MGST2: variants seen among roughly 807,000 people sequenced by gnomAD.
The protein encoded by MGST2 is microsomal glutathione S-transferase 2.
MGST2 carries 9 observed loss-of-function variants against 16.6 expected under a neutral mutation model. That is an observed-to-expected ratio of 0.54 (90% confidence interval 0.33 to 0.95). The LOEUF is 0.95. Ranked by LOEUF, MGST2 falls within the 40% of genes least tolerant of loss-of-function variation. The pLI is 0.03. For synonymous variants in MGST2, 79 were observed against 68.0 expected (o/e 1.16, Z -0.79); for missense variants, 159 against 175.1 (o/e 0.91, Z 0.52).
At position 139,735,910 on chromosome 4, in the gene MGST2, C is replaced by T. The variant is rs1728923571; in HGVS notation, c.*49-4302C>T. ...AGGGGCCCTGGAGGTCCTCGGCCCG[C>T]GCGCGCCGCTCGGGAGCCCGCGAGG... On this transcript the variant is annotated intron_variant, in intron 5 of 5. Coordinates refer to the MGST2 transcript ENST00000616265. This position sits in a 1 kb window ranked among gnomAD's most constrained non-coding sequence, Gnocchi z 5.8. Among the ~76,000 whole-genome samples, 2 of 151,900 alleles carry T rather than the reference C, an allele frequency of 1.3e-5. No homozygotes were observed. The highest frequency in any genetic ancestry group is 2.9e-5 in the Non-Finnish European group (2 of 67,950).
At chr4:139,736,680 T>C (rs1333255158) in intron 5 of MGST2, among the ~76,000 whole-genome samples, 1 of 152,162 alleles carries the variant, frequency 6.6e-6, no homozygotes, top group Non-Finnish European at 1.5e-5. Flanking sequence ...GGTTCCAGGA[T>C]CAAATGCATT....
chr4:139,691,393 C>T (rs1408091105), intron 2 of MGST2, among the ~76,000 whole-genome samples: 2 of 152,142 alleles, frequency 1.3e-5, no homozygotes, highest in African/African-American at 4.8e-5. Context: ...ACAGGATTGT[C>T]AAGAAGTAAT....
At position 139,715,795 on chromosome 4, in the gene MGST2, T is replaced by A. The variant is rs1409966593; in HGVS notation, c.*48+11599T>A. Among the ~76,000 whole-genome samples the A allele has an allele frequency of 6.6e-6, 1 of 152,234 alleles. No individual in the cohort carries two copies. Among genetic ancestry groups the A allele is most frequent in the East Asian group, 1.9e-4 (1 of 5,196 alleles). ...TATTTTGGTTTTGGTGGGCTTTGGC[T>A]GGCTCCTTTACTGCAAACTGTTTTA... On this transcript the variant is annotated intron_variant, in intron 5 of 5. Transcript: ENST00000616265. This position sits in a 1 kb window ranked among gnomAD's most constrained non-coding sequence, Gnocchi z 4.4.
At chr4:139,744,095 AC>A (rs1729243022), downstream of MGST2, among the ~76,000 whole-genome samples, 1 of 152,118 alleles carries the variant, frequency 6.6e-6, no homozygotes, top group South Asian at 2.1e-4. Context: ...ATGCACAAAC[AC>A]CTTGGGTAGG....
intron 5 of MGST2, among the ~76,000 whole-genome samples, chr4:139,734,023 T>A (rs916412320): frequency 1.1e-4 from 17 of 152,214 alleles, no homozygotes; most frequent in African/African-American, 3.9e-4. Flanking sequence ...CTGCCTTCCA[T>A]ACGAAACATC....
intron 2 of MGST2, among the ~76,000 whole-genome samples, chr4:139,684,028 C>A (rs1238873070): frequency 6.7e-6 from 1 of 149,344 alleles, no homozygotes; most frequent in Non-Finnish European, 1.5e-5. Context: ...CAGGTTCAAG[C>A]AATTCTTGTG....
At chr4:139,699,662 C>T (rs1727128136) in intron 3 of MGST2, among the ~76,000 whole-genome samples, 1 of 152,154 alleles carries the variant, frequency 6.6e-6, no homozygotes, top group African/African-American at 2.4e-5. Flanking sequence ...TGGACCTGTG[C>T]AGTTCAAACC....
chr4:139,696,898 C>A (rs2110884531), intron 3 of MGST2, among the ~76,000 whole-genome samples: 1 of 152,156 alleles, frequency 6.6e-6, no homozygotes, highest in Non-Finnish European at 1.5e-5. Flanking sequence ...GTCCTGATAA[C>A]CCCCTGATTT....
chr4:139,693,404 CAAA>C (rs55723907), intron 2 of MGST2, among the ~76,000 whole-genome samples: 1 of 66,798 alleles, frequency 1.5e-5, no homozygotes. Flanking sequence ...GACTACGTCT[CAAA>C]AAAAAAAAAA....
downstream of MGST2, among the ~76,000 whole-genome samples, chr4:139,704,871 A>G (rs747578823): frequency 4.6e-5 from 7 of 152,116 alleles, 1 homozygote; most frequent in Admixed American, 1.3e-4. Context: ...GCAGTGAGCC[A>G]AGATCGCGCC....
intron 1 of MGST2, among the ~76,000 whole-genome samples, chr4:139,671,462 C>T (rs1730687357): frequency 6.6e-6 from 1 of 152,136 alleles, no homozygotes; most frequent in African/African-American, 2.4e-5. Flanking sequence ...ATCATATATT[C>T]ATCATATATA....
intron 1 of MGST2, among the ~76,000 whole-genome samples, 197 bp downstream of exon 1, chr4:139,666,274 G>A (rs1177579054): frequency 6.6e-6 from 1 of 151,896 alleles, no homozygotes; most frequent in Admixed American, 6.6e-5. Context: ...TCCTTCCCAG[G>A]GGCAAGCAGA....
Position 139,665,819 on chromosome 4 carries a change from A to C in MGST2, c.-201A>C. 3.1e-6 allele frequency: 2 copies of C among 652,838 alleles called. No individual in the cohort carries two copies. The highest frequency in any genetic ancestry group is 5.6e-6 in the Non-Finnish European group (2 of 359,916). 40.4% of individuals were successfully genotyped at this position (652,838 alleles called of 1,614,324 possible). A position where few individuals can be genotyped will look rare whatever the true frequency, so the allele number is the denominator to read the frequency against. Reference sequence around the variant, plus strand: ...AACGCCGGAAGCAACTCCCAGCCCCATAAAGATCTGTGACCGGCAGCCCCA... The same window carrying C: ...AACGCCGGAAGCAACTCCCAGCCCCCTAAAGATCTGTGACCGGCAGCCCCA... On this transcript the variant is annotated 5_prime_UTR_variant, in exon 1 of 5. Transcript: ENST00000265498.
chr4:139,695,274 T>G lies in MGST2; in HGVS notation c.229+7T>G. Reference sequence around the variant, plus strand: ...GGGTGGTATTTCAACCAAGGTAATGTTAAAATACAGTCAACTGTGTTCTAA... The same window carrying G: ...GGGTGGTATTTCAACCAAGGTAATGGTAAAATACAGTCAACTGTGTTCTAA... On this transcript the variant is annotated splice_region_variant and intron_variant, in intron 3 of 4. Coordinates refer to ENST00000265498, the MANE Select transcript of MGST2 (RefSeq NM_002413.5). 2 of 1,599,812 alleles carry G rather than the reference T, an allele frequency of 1.3e-6. No individual in the cohort carries two copies. Among genetic ancestry groups the G allele is most frequent in the Non-Finnish European group, 1.7e-6 (2 of 1,166,940 alleles).
intron 3 of MGST2, among the ~76,000 whole-genome samples, chr4:139,701,841 C>A (rs1727266032): frequency 6.6e-6 from 1 of 151,974 alleles, no homozygotes; most frequent in African/African-American, 2.4e-5. Flanking sequence ...GTGGCATACA[C>A]CAGTGGTCCC....
At chr4:139,669,234 T>G (rs1730534632) in intron 1 of MGST2, among the ~76,000 whole-genome samples, 1 of 152,084 alleles carries the variant, frequency 6.6e-6, no homozygotes, top group Non-Finnish European at 1.5e-5. Flanking sequence ...AGAATTTTAT[T>G]TTTGGTTTAC....
chr4:139,730,418 G>C, intron 5 of MGST2: 9 of 1,527,674 alleles, frequency 5.9e-6, no homozygotes, highest in Non-Finnish European at 7.0e-6. Flanking sequence ...CATGTTACCT[G>C]TTCCGCCAAA....
exon 6 of MGST2, chr4:139,740,243 C>G (rs560154223): frequency 2.2e-4 from 34 of 152,344 alleles, no homozygotes; most frequent in African/African-American, 7.5e-4. Flanking sequence ...CCAGAACCAG[C>G]CAGACCTTTG....
chr4:139,741,324 C>T, downstream of MGST2, among the ~76,000 whole-genome samples: 1 of 152,182 alleles, frequency 6.6e-6, no homozygotes, highest in East Asian at 1.9e-4. Context: ...CATAAGACCA[C>T]CTGACCCTGG....
Sources: allele counts gnomAD v4.1 joint callset (sites outside exome capture counted in the v4.1 genomes callset), GRCh38; gene constraint gnomAD v4.1.1; non-coding constraint Gnocchi (gnomAD v3.1); transcripts MANE v1.5; gene names NCBI Gene and HGNC (gene_info 2026-07-23, HGNC 2026-07-21).